CDH18: variants seen among roughly 807,000 people sequenced by gnomAD.
CDH18 encodes the protein cadherin-18.
Under a neutral mutation model 67.9 loss-of-function variants are expected in CDH18, and 31 were observed. That is an observed-to-expected ratio of 0.46 (90% confidence interval 0.34 to 0.62). The LOEUF (loss-of-function observed/expected upper bound fraction) is 0.62. Ranked by LOEUF, CDH18 falls within the 20% of genes least tolerant of loss-of-function variation. CDH18 has a pLI of 0.01. For missense variants in CDH18, 890 were observed against 975.5 expected, an observed-to-expected ratio of 0.91 and a Z score of 1.17; for synonymous variants, 362 against 347.2, an observed-to-expected ratio of 1.04 and a Z score of -0.48.
intron 3 of CDH18, among the ~76,000 whole-genome samples, chr5:19,835,459 T>G (rs926936134): frequency 1.3e-5 from 2 of 151,984 alleles, no homozygotes; most frequent in East Asian, 1.9e-4. Context: ...TATCCCTTTT[T>G]TTTGTTTGTT....
At chr5:20,550,827 G>T (rs1757593425) in intron 1 of CDH18, among the ~76,000 whole-genome samples, 2 of 152,244 alleles carry the variant, frequency 1.3e-5, no homozygotes, top group African/African-American at 4.8e-5. Flanking sequence ...ATACAAGCCT[G>T]GTGCCAGCAT....
intron 2 of CDH18, among the ~76,000 whole-genome samples, chr5:20,204,588 C>A (rs1046855385): frequency 6.6e-6 from 1 of 151,884 alleles, no homozygotes; most frequent in Non-Finnish European, 1.5e-5. Flanking sequence ...AGTGCACAGA[C>A]AAATCCAAAA....
At chr5:19,966,143 C>T (rs1430832122) in intron 2 of CDH18, among the ~76,000 whole-genome samples, 1 of 152,060 alleles carries the variant, frequency 6.6e-6, no homozygotes, top group African/African-American at 2.4e-5. Flanking sequence ...AGAAAGGCAA[C>T]AGAAAGATCA....
intron 2 of CDH18, among the ~76,000 whole-genome samples, chr5:20,244,356 G>C (rs1743212288): frequency 6.6e-6 from 1 of 152,058 alleles, no homozygotes; most frequent in African/African-American, 2.4e-5. Flanking sequence ...GAGTTCTGCA[G>C]GGAGATTATT....
intron 1 of CDH18, among the ~76,000 whole-genome samples, chr5:20,354,589 T>C (rs1347808790): frequency 2.6e-5 from 4 of 152,076 alleles, no homozygotes; most frequent in African/African-American, 2.4e-5. Context: ...GGCAGGGTCT[T>C]GCTATGTTGC....
intron 8 of CDH18, among the ~76,000 whole-genome samples, chr5:19,570,215 TG>T (rs1447339590): frequency 6.6e-6 from 1 of 152,164 alleles, no homozygotes. Flanking sequence ...GGCTTTCCTT[TG>T]GTTAAGCAAT....
chr5:19,982,176 T>G (rs1799119442), intron 1 of CDH18, among the ~76,000 whole-genome samples: 3 of 152,312 alleles, frequency 2.0e-5, no homozygotes, highest in South Asian at 4.1e-4. Context: ...TTTATAATCT[T>G]AATCATACAA....
intron 2 of CDH18, among the ~76,000 whole-genome samples, chr5:19,858,020 T>C (rs2149963393): frequency 6.6e-6 from 1 of 152,296 alleles, no homozygotes; most frequent in Non-Finnish European, 1.5e-5. Context: ...ATTCAAAATC[T>C]GCAGCAAGTT....
chr5:19,782,026 A>G (rs1221974697), intron 3 of CDH18, among the ~76,000 whole-genome samples: 1 of 152,210 alleles, frequency 6.6e-6, no homozygotes, highest in Non-Finnish European at 1.5e-5. Context: ...TTAGACTAAC[A>G]TGGGATATAA....
chr5:19,896,881 G>C (rs1268571243), intron 2 of CDH18, among the ~76,000 whole-genome samples: 3 of 152,080 alleles, frequency 2.0e-5, no homozygotes, highest in African/African-American at 7.2e-5. Flanking sequence ...GGGTTAAAGA[G>C]TACATGGGAT....
intron 1 of CDH18, among the ~76,000 whole-genome samples, chr5:20,260,620 A>G (rs1195270948): frequency 6.6e-6 from 1 of 152,148 alleles, no homozygotes. Context: ...TTGTACAGGT[A>G]CTGTGTAATC....
chr5:20,385,079 T>A (rs1226101018), intron 1 of CDH18, among the ~76,000 whole-genome samples: 1 of 152,128 alleles, frequency 6.6e-6, no homozygotes, highest in Non-Finnish European at 1.5e-5. Flanking sequence ...TCAAGTAATC[T>A]GCCCACTTTG....
chr5:19,866,703 A>C (rs1171331538), intron 2 of CDH18, among the ~76,000 whole-genome samples: 2 of 152,150 alleles, frequency 1.3e-5, no homozygotes, highest in African/African-American at 4.8e-5. Flanking sequence ...ACAATGATTA[A>C]TATCTCCTCT....
chr5:20,053,026 AT>A (rs5866412), intron 2 of CDH18, among the ~76,000 whole-genome samples: 2,010 of 149,040 alleles, frequency 0.013, 55 homozygotes, highest in African/African-American at 0.045. Flanking sequence ...TCCTCAGTTT[AT>A]TTTTTTTTTA....
chr5:19,795,501 A>G (rs901655096), intron 3 of CDH18, among the ~76,000 whole-genome samples: 2 of 152,170 alleles, frequency 1.3e-5, no homozygotes, highest in Non-Finnish European at 2.9e-5. Context: ...TAAACTTAGT[A>G]AGACTGAAAT....
chr5:19,800,016 G>C (rs1456057316), intron 3 of CDH18, among the ~76,000 whole-genome samples: 1 of 152,092 alleles, frequency 6.6e-6, no homozygotes, highest in Non-Finnish European at 1.5e-5. Context: ...TTCCCACAAA[G>C]TAAAGTTTGT....
At chr5:20,253,549 C>T (rs899300997) in intron 2 of CDH18, among the ~76,000 whole-genome samples, 3 of 152,206 alleles carry the variant, frequency 2.0e-5, no homozygotes, top group Admixed American at 2.0e-4. Context: ...GATGTAATAA[C>T]CATTTTTTTG....
intron 1 of CDH18, among the ~76,000 whole-genome samples, chr5:20,570,470 G>T (rs1052803164): frequency 6.6e-6 from 1 of 152,064 alleles, no homozygotes; most frequent in East Asian, 1.9e-4. Flanking sequence ...TTTTATTTCT[G>T]CCAAGGATGG....
chr5:19,684,149 A>T (rs534109802), intron 5 of CDH18, among the ~76,000 whole-genome samples: 3 of 152,202 alleles, frequency 2.0e-5, no homozygotes, highest in South Asian at 2.1e-4. Context: ...GAAATCTCTC[A>T]TATTTTTAGC....
Sources: gnomAD v4.1 joint callset for allele counts (sites outside exome capture counted in the v4.1 genomes callset) on GRCh38, gnomAD v4.1.1 for gene constraint, MANE v1.5 for transcripts, NCBI Gene and HGNC (gene_info 2026-07-23, HGNC 2026-07-21) for gene names.